NUBPL: variants seen among roughly 807,000 people sequenced by gnomAD.
NUBPL encodes the protein iron-sulfur cluster transfer protein NUBPL.
NUBPL carries 31 observed loss-of-function variants against 45.7 expected under a neutral mutation model. The ratio of observed to expected loss-of-function variants is 0.68; its 90% CI spans 0.51 to 0.92. The LOEUF (loss-of-function observed/expected upper bound fraction) is 0.92. NUBPL is among the 40% of genes least tolerant of loss of function. NUBPL has a pLI of 0.00. For synonymous variants in NUBPL, 144 were observed against 140.9 expected (o/e 1.02, Z -0.15); for missense variants, 401 against 398.7 (o/e 1.01, Z -0.05).
intron 6 of NUBPL, among the ~76,000 whole-genome samples, chr14:31,692,033 A>G (rs1195892879): frequency 6.6e-6 from 1 of 152,190 alleles, no homozygotes; most frequent in Non-Finnish European, 1.5e-5. Context: ...CAGGATATAT[A>G]TATTTTTTTA....
intron 6 of NUBPL, among the ~76,000 whole-genome samples, chr14:31,772,547 G>A (rs1434986616): frequency 6.6e-6 from 1 of 152,142 alleles, no homozygotes; most frequent in Non-Finnish European, 1.5e-5. Flanking sequence ...ACTGTACTGT[G>A]GATTTACATA....
intron 8 of NUBPL, among the ~76,000 whole-genome samples, chr14:31,834,967 A>G (rs2040259002): frequency 6.6e-6 from 1 of 152,152 alleles, no homozygotes; most frequent in Non-Finnish European, 1.5e-5. Context: ...CTAGGGTATA[A>G]GAGGGTTCTT....
intron 4 of NUBPL, among the ~76,000 whole-genome samples, chr14:31,651,759 T>G (rs902938558): frequency 1.7e-4 from 26 of 151,138 alleles, no homozygotes; most frequent in Admixed American, 6.6e-4. Context: ...ATTAGCCAGG[T>G]GTGGTGGTGG....
At chr14:31,730,463 CTTTT>C (rs1219334725) in intron 6 of NUBPL, among the ~76,000 whole-genome samples, 1 of 137,870 alleles carries the variant, frequency 7.3e-6, no homozygotes. Flanking sequence ...ATCAAGTAAT[CTTTT>C]TTTTTTTTTT....
intron 6 of NUBPL, among the ~76,000 whole-genome samples, chr14:31,676,035 T>G (rs2036687371): frequency 1.3e-5 from 2 of 152,086 alleles, no homozygotes; most frequent in Admixed American, 1.3e-4. Context: ...GCTTTTTTTT[T>G]TTTTGAGACA....
intron 6 of NUBPL, among the ~76,000 whole-genome samples, chr14:31,691,439 T>C (rs945900557): frequency 6.6e-6 from 1 of 152,174 alleles, no homozygotes; most frequent in Middle Eastern, 3.2e-3. Flanking sequence ...GAGTCAAAAG[T>C]TATATGCATA....
At chr14:31,581,000 T>A (rs1024805439) in intron 3 of NUBPL, among the ~76,000 whole-genome samples, 1 of 152,132 alleles carries the variant, frequency 6.6e-6, no homozygotes, top group African/African-American at 2.4e-5. Context: ...CTGGCTGTAA[T>A]GTAGAGAATA....
intron 6 of NUBPL, among the ~76,000 whole-genome samples, chr14:31,679,045 C>A (rs1407028609): frequency 1.3e-5 from 2 of 152,160 alleles, no homozygotes; most frequent in Non-Finnish European, 2.9e-5. Flanking sequence ...TAGGTGCAGC[C>A]TGGTTCTGCT....
At chr14:31,754,695 AAT>A (rs200010442) in intron 6 of NUBPL, among the ~76,000 whole-genome samples, 5,333 of 149,254 alleles carry the variant, frequency 0.036, 133 homozygotes, top group Admixed American at 0.062. Context: ...GCAAAAAAAA[AAT>A]TTTTTTTATT....
chr14:31,667,258 T>C (rs1028617034), intron 4 of NUBPL, among the ~76,000 whole-genome samples: 1 of 152,086 alleles, frequency 6.6e-6, no homozygotes, highest in East Asian at 1.9e-4. Context: ...CTTATCATTC[T>C]TTTTTCTGTA....
At chr14:31,576,580 G>T (rs1372763406) in intron 3 of NUBPL, among the ~76,000 whole-genome samples, 2 of 152,086 alleles carry the variant, frequency 1.3e-5, no homozygotes, top group Non-Finnish European at 2.9e-5. Context: ...TTAATGTATA[G>T]CCTAGAGACT....
At chr14:31,714,156 C>T (rs542049139) in intron 6 of NUBPL, among the ~76,000 whole-genome samples, 2 of 152,232 alleles carry the variant, frequency 1.3e-5, no homozygotes, top group East Asian at 1.9e-4. Context: ...GAGATAGCCT[C>T]TATGTAAGAT....
At chr14:31,782,420 A>G (rs1485429436) in intron 6 of NUBPL, among the ~76,000 whole-genome samples, 1 of 151,632 alleles carries the variant, frequency 6.6e-6, no homozygotes, top group African/African-American at 2.4e-5. Context: ...CAAACAAGAA[A>G]CACCTTTTGG....
intron 4 of NUBPL, among the ~76,000 whole-genome samples, chr14:31,657,050 C>T (rs986018476): frequency 8.5e-5 from 13 of 152,066 alleles, no homozygotes; most frequent in South Asian, 2.1e-4. Context: ...TCTTTTTTAG[C>T]GGTACAGCTA....
At chr14:31,585,692 T>C (rs1226253715) in intron 3 of NUBPL, among the ~76,000 whole-genome samples, 1 of 152,220 alleles carries the variant, frequency 6.6e-6, no homozygotes, top group Non-Finnish European at 1.5e-5. Context: ...TTTCTCTATA[T>C]CCTCACCAAT....
chr14:31,789,493 G>T lies in NUBPL; in HGVS notation c.607+1620G>T, dbSNP rs116672015. Among the ~76,000 whole-genome samples, 991 of 152,068 alleles carry T rather than the reference G, an allele frequency of 6.5e-3. 12 individuals are homozygous for T. The highest frequency in any genetic ancestry group is 0.022 in the African/African-American group (928 of 41,494). On this transcript the variant is annotated intron_variant, in intron 7 of 10. Coordinates refer to ENST00000281081, the MANE Select transcript of NUBPL (RefSeq NM_025152.3). ...TACTTCAATATGGTAATGCATATCT[G>T]TTTTATGATACGAAATTTAAATATT...
At chr14:31,632,864 C>T (rs192182996) in intron 4 of NUBPL, among the ~76,000 whole-genome samples, 22 of 152,278 alleles carry the variant, frequency 1.4e-4, no homozygotes, top group Admixed American at 5.2e-4. Context: ...AAAATATTCA[C>T]GTCCATAAAA....
intron 4 of NUBPL, among the ~76,000 whole-genome samples, chr14:31,623,233 A>G (rs531450504): frequency 2.3e-4 from 35 of 152,304 alleles, no homozygotes; most frequent in African/African-American, 8.2e-4. Context: ...TCATTTATGC[A>G]ATGCCAGTAC....
chr14:31,785,364 A>G (rs1393782146), intron 6 of NUBPL, among the ~76,000 whole-genome samples: 1 of 152,206 alleles, frequency 6.6e-6, no homozygotes, highest in Non-Finnish European at 1.5e-5. Flanking sequence ...GAGGTGAACA[A>G]TGGGTTAGTG....
Sources: allele counts gnomAD v4.1 joint callset (sites outside exome capture counted in the v4.1 genomes callset), GRCh38; gene constraint gnomAD v4.1.1; transcripts MANE v1.5; gene names NCBI Gene and HGNC (gene_info 2026-07-23, HGNC 2026-07-21).